Variants in GRIA4 observed in about 807,000 individuals in gnomAD.
GRIA4 encodes the protein glutamate ionotropic receptor AMPA type subunit 4.
In GRIA4, 34 loss-of-function variants were observed where a neutral mutation model predicts 104.0. That is an observed-to-expected ratio of 0.33 (90% CI 0.25 to 0.44). The LOEUF (loss-of-function observed/expected upper bound fraction) is 0.44, where lower values mean the gene tolerates loss of function less well. Among genes scored for constraint, GRIA4 ranks in the 20% least tolerant of loss-of-function variants. GRIA4 has a pLI of 1.00. For synonymous variants in GRIA4, 386 were observed against 381.9 expected (o/e 1.01, Z -0.13); for missense variants, 750 against 1,096.5 (o/e 0.68, Z 4.46).
intron 4 of GRIA4, among the ~76,000 whole-genome samples, chr11:105,798,929 T>C (rs1309675520): frequency 6.6e-6 from 1 of 152,124 alleles, no homozygotes; most frequent in Admixed American, 6.6e-5. Flanking sequence ...GGCAGTTAGA[T>C]ATGTTGGTAT....
intron 3 of GRIA4, among the ~76,000 whole-genome samples, chr11:105,672,738 T>A (rs902450803): frequency 6.6e-6 from 1 of 152,076 alleles, no homozygotes; most frequent in African/African-American, 2.4e-5. Context: ...GACCCAGCCA[T>A]ACACACAATT....
In GRIA4 at chr11:105,630,912, G is replaced by T. The variant is rs73636719; in HGVS notation, c.247+18478G>T. On this transcript the variant is annotated intron_variant, in intron 3 of 16. Coordinates refer to ENST00000282499, the MANE Select transcript of GRIA4 (RefSeq NM_000829.4). Reference sequence around the variant, plus strand: ...ACAAGCTGTCCTCCATCCTCCCTCTGAGTTCTTATGTCTCATGTGGATAAT... The same window carrying T: ...ACAAGCTGTCCTCCATCCTCCCTCTTAGTTCTTATGTCTCATGTGGATAAT... Among the ~76,000 whole-genome samples the T allele has an allele frequency of 5.3e-3, 807 of 152,166 alleles. 13 individuals carry two copies. The highest frequency in any genetic ancestry group is 0.019 in the African/African-American group (780 of 41,528).
intron 5 of GRIA4, among the ~76,000 whole-genome samples, chr11:105,877,416 G>A (rs1406837956): frequency 6.6e-6 from 1 of 152,104 alleles, no homozygotes; most frequent in Non-Finnish European, 1.5e-5. Context: ...GAGTATCTTT[G>A]TAGTGTTCTC....
intron 4 of GRIA4, among the ~76,000 whole-genome samples, chr11:105,775,595 A>C (rs1941413895): frequency 6.6e-6 from 1 of 152,160 alleles, no homozygotes; most frequent in South Asian, 2.1e-4. Flanking sequence ...TATGACTGGA[A>C]ATAAATATAA....
chr11:105,634,428 AGGGAGG>A (rs1565419597), intron 3 of GRIA4, among the ~76,000 whole-genome samples: 8 of 147,124 alleles, frequency 5.4e-5, no homozygotes, highest in African/African-American at 1.0e-4. Context: ...GGAGAAAGGA[AGGGAGG>A]AGAAAGGAAG....
intron 4 of GRIA4, among the ~76,000 whole-genome samples, chr11:105,860,956 GAA>G (rs55824302): frequency 0.16 from 16,752 of 105,100 alleles, 1,699 homozygotes; most frequent in African/African-American, 0.36. Flanking sequence ...AAGACTGTCT[GAA>G]AAAAAAAAAA....
In GRIA4 at chr11:105,657,090, AAT is replaced by A. The variant is rs568057582; in HGVS notation, c.247+44658_247+44659del. 3.9e-4 allele frequency among the ~76,000 whole-genome samples: 59 copies of A among 152,136 alleles called. 1 individual carries two copies. The highest frequency in any genetic ancestry group is 1.3e-3 in the African/African-American group (52 of 41,538). On this transcript the variant is annotated intron_variant, in intron 3 of 16. Coordinates refer to ENST00000282499, the MANE Select transcript of GRIA4 (RefSeq NM_000829.4). ...GTTCAGTTTTTAAATCTTTCAGTCTAATAAAGGCCCTAGAAAATCAATACAGA... is the reference window on the plus strand; with the variant it reads ...GTTCAGTTTTTAAATCTTTCAGTCTAAAAGGCCCTAGAAAATCAATACAGA...
intron 4 of GRIA4, among the ~76,000 whole-genome samples, chr11:105,803,085 T>C (rs1275021275): frequency 1.3e-5 from 2 of 152,040 alleles, no homozygotes; most frequent in Non-Finnish European, 2.9e-5. Context: ...TAGATATGTC[T>C]ACTTGTCTTT....
At position 105,842,930 on chromosome 11, in the gene GRIA4, G is replaced by T. The variant is rs75500600; in HGVS notation, c.488-19094G>T. ...AATGACCTGTAAGTGCCCTGTTAAAGGATTCATTTTAATAGAAACTCAGAA... is the reference window on the plus strand; with the variant it reads ...AATGACCTGTAAGTGCCCTGTTAAATGATTCATTTTAATAGAAACTCAGAA... On this transcript the variant is annotated intron_variant, in intron 4 of 16. Coordinates refer to ENST00000282499, the MANE Select transcript of GRIA4 (RefSeq NM_000829.4). The T allele has an allele frequency of 1.9e-4, 29 of 152,244 alleles. 1 individual carries two copies. In the East Asian group the frequency reaches 3.3e-3, roughly 17 times the overall value. The allele number at this position is 152,244 out of a possible 1,614,324, so 9.4% of individuals were successfully genotyped here. A position where few individuals can be genotyped will look rare whatever the true frequency, so the allele number is the denominator to read the frequency against.
In GRIA4 at chr11:105,898,274, C is replaced by T; in HGVS notation, c.732C>T (p.Phe244=). 1 of 1,524,766 alleles carries T rather than the reference C, an allele frequency of 6.6e-7. No homozygotes were observed. The highest frequency in any genetic ancestry group is 9.0e-7 in the Non-Finnish European group (1 of 1,105,706). The allele number at this position is 1,524,766 out of a possible 1,614,324, so 94.5% of individuals were successfully genotyped here. Reference sequence around the variant, plus strand: ...TTTTGTATTAATTTTTATAGGGATTCAAGGATATTTCTCTTGAGAGGTTTA... The same window carrying T: ...TTTTGTATTAATTTTTATAGGGATTTAAGGATATTTCTCTTGAGAGGTTTA... The part of the protein sequence containing the change: ...GYHYIIANLG[F]KDISLERFIH... The change falls in exon 7 of 17, where the codon TTC becomes TTT. Residue 244 remains phenylalanine (F), a synonymous_variant. Transcript: ENST00000282499.
chr11:105,861,495 C>G (rs796431683), intron 4 of GRIA4, among the ~76,000 whole-genome samples: 4 of 152,216 alleles, frequency 2.6e-5, no homozygotes, highest in South Asian at 4.2e-4. Flanking sequence ...TAATGCCTCT[C>G]TAATATGCAC....
intron 5 of GRIA4, among the ~76,000 whole-genome samples, chr11:105,872,567 C>G (rs1212767477): frequency 6.6e-6 from 1 of 152,068 alleles, no homozygotes; most frequent in East Asian, 1.9e-4. Context: ...AGTATTCCTC[C>G]CTAATGATAT....
chr11:105,672,129 G>A (rs1162427667), intron 3 of GRIA4, among the ~76,000 whole-genome samples: 2 of 151,874 alleles, frequency 1.3e-5, no homozygotes, highest in Non-Finnish European at 2.9e-5. Flanking sequence ...TTTAATTGAG[G>A]GTAAATAACA....
intron 3 of GRIA4, among the ~76,000 whole-genome samples, chr11:105,686,976 T>C (rs1952902815): frequency 6.6e-6 from 1 of 152,190 alleles, no homozygotes; most frequent in South Asian, 2.1e-4. Flanking sequence ...CTTTGTTGGA[T>C]GCTTAGTTAG....
chr11:105,695,108 C>T (rs541388046), intron 3 of GRIA4, among the ~76,000 whole-genome samples: 3 of 152,288 alleles, frequency 2.0e-5, no homozygotes, highest in Non-Finnish European at 4.4e-5. Flanking sequence ...CCCAATGCAT[C>T]TTTTACATGC....
chr11:105,622,560 T>A (rs1273378056), intron 3 of GRIA4, among the ~76,000 whole-genome samples: 2 of 151,850 alleles, frequency 1.3e-5, no homozygotes, highest in African/African-American at 2.4e-5. Flanking sequence ...TCCTTTTTTT[T>A]TCTTTCTTCT....
rs550456194 is a variant in GRIA4, at chr11:105,890,572, T to C, written c.726+3000T>C. ...CTATCCTGATAAAATGAGAATACAT[T>C]GATGTATTCTATGCCCCTCTGATCT... On this transcript the variant is annotated intron_variant, in intron 6 of 16. Transcript: ENST00000282499. Among the ~76,000 whole-genome samples the C allele has an allele frequency of 5.9e-5, 9 of 152,308 alleles. No homozygotes were observed. In the East Asian group the frequency reaches 1.7e-3, roughly 29 times the overall value.
chr11:105,965,312 A>T (rs962470690), intron 14 of GRIA4, among the ~76,000 whole-genome samples: 1 of 151,484 alleles, frequency 6.6e-6, no homozygotes, highest in Non-Finnish European at 1.5e-5. Flanking sequence ...AATGCCTTTA[A>T]GAATTAACAC....
chr11:105,641,063 A>C (rs1951345214), intron 3 of GRIA4, among the ~76,000 whole-genome samples: 1 of 152,104 alleles, frequency 6.6e-6, no homozygotes, highest in Non-Finnish European at 1.5e-5. Flanking sequence ...ATTAATGAGC[A>C]CTTATAATGT....
Sources: gnomAD v4.1 joint callset for allele counts (sites outside exome capture counted in the v4.1 genomes callset) on GRCh38, gnomAD v4.1.1 for gene constraint, MANE v1.5 for transcripts, NCBI Gene and HGNC (gene_info 2026-07-23, HGNC 2026-07-21) for gene names.